CD200R1: variants seen among roughly 807,000 people sequenced by gnomAD.
CD200R1 encodes the protein cell surface glycoprotein CD200 receptor 1.
A neutral mutation model predicts 38.1 loss-of-function variants in CD200R1; 30 were observed. The observed-to-expected ratio is 0.79, with a 90% confidence interval of 0.59 to 1.07. CD200R1 has a LOEUF of 1.07. CD200R1 is among the 50% of genes least tolerant of loss of function. The pLI, the probability that CD200R1 is intolerant of heterozygous loss-of-function variation, is 0.00. For missense variants in CD200R1, 372 were observed against 415.4 expected (o/e 0.90, Z 0.91); for synonymous variants, 128 against 152.1 (o/e 0.84, Z 1.16).
At chr3:112,955,128 T>C (rs1191265753) in intron 1 of CD200R1, among the ~76,000 whole-genome samples, 1 of 152,214 alleles carries the variant, frequency 6.6e-6, no homozygotes, top group Non-Finnish European at 1.5e-5. Flanking sequence ...ATTTGAGTTG[T>C]TTTTCCACTC....
chr3:112,925,993 T>C (rs1218440799), intron 5 of CD200R1, among the ~76,000 whole-genome samples: 1 of 152,130 alleles, frequency 6.6e-6, no homozygotes, highest in Non-Finnish European at 1.5e-5. Context: ...AAAGATTCAT[T>C]GGTGGTGAAT....
intron 2 of CD200R1, among the ~76,000 whole-genome samples, chr3:112,943,015 G>A (rs1164492262): frequency 6.6e-6 from 1 of 151,734 alleles, no homozygotes; most frequent in African/African-American, 2.4e-5. Flanking sequence ...AGAAATAAAT[G>A]AATCTGCTAT....
intron 5 of CD200R1, 60 bp downstream of exon 5, chr3:112,928,756 T>G: frequency 6.0e-6 from 8 of 1,335,790 alleles, no homozygotes; most frequent in Non-Finnish European, 7.2e-6. Context: ...ATCTTTTTTT[T>G]TCTTAACTCT....
At chr3:112,966,561 T>C (rs970800653) in intron 1 of CD200R1, among the ~76,000 whole-genome samples, 1 of 152,196 alleles carries the variant, frequency 6.6e-6, no homozygotes, top group African/African-American at 2.4e-5. Flanking sequence ...TATTCTCATA[T>C]TATGTAATGG....
intron 2 of CD200R1, among the ~76,000 whole-genome samples, chr3:112,933,469 G>A (rs1334018060): frequency 1.3e-5 from 2 of 152,130 alleles, no homozygotes; most frequent in African/African-American, 4.8e-5. Context: ...CACTAGAATG[G>A]ATTACATATA....
At chr3:112,956,339 C>T (rs980809789) in intron 1 of CD200R1, among the ~76,000 whole-genome samples, 11 of 151,796 alleles carry the variant, frequency 7.2e-5, no homozygotes, top group African/African-American at 2.7e-4. Context: ...TTTTTCAGCA[C>T]TAGGATTTCT....
At chr3:112,926,494 C>G (rs948633613) in intron 5 of CD200R1, among the ~76,000 whole-genome samples, 1 of 152,232 alleles carries the variant, frequency 6.6e-6, no homozygotes. Context: ...GAAGATCCAC[C>G]GTGCAAGGAA....
Position 112,923,813 on chromosome 3 carries a change from C to CA in CD200R1, c.925-15dup. On this transcript the variant is annotated splice_polypyrimidine_tract_variant and intron_variant, in intron 7 of 7. Coordinates refer to ENST00000308611, the MANE Select transcript of CD200R1 (RefSeq NM_138806.4). ...CTGCATTTCATCCTAAGAAAGAACT[C>CA]AAAGTTAAAATCAATTCAAAAAATC... 1 of 1,506,720 alleles carries CA rather than the reference C, an allele frequency of 6.6e-7. No homozygotes were observed. 93.3% of individuals were successfully genotyped at this position (1,506,720 alleles called of 1,614,324 possible). A position where few individuals can be genotyped will look rare whatever the true frequency, so the allele number is the denominator to read the frequency against.
intron 2 of CD200R1, among the ~76,000 whole-genome samples, chr3:112,937,510 G>C (rs1940612661): frequency 6.6e-6 from 1 of 152,110 alleles, no homozygotes; most frequent in African/African-American, 2.4e-5. Flanking sequence ...TAGGTGTGCG[G>C]TGTTATTTCT....
intron 1 of CD200R1, among the ~76,000 whole-genome samples, chr3:112,957,172 G>T (rs142760052): frequency 6.6e-6 from 1 of 152,246 alleles, no homozygotes; most frequent in East Asian, 1.9e-4. Context: ...TAAAACTGAC[G>T]TCCTCTTCAA....
At chr3:112,970,809 T>C (rs922795274) in intron 1 of CD200R1, among the ~76,000 whole-genome samples, 2 of 152,146 alleles carry the variant, frequency 1.3e-5, no homozygotes, top group African/African-American at 4.8e-5. Context: ...CTATCTAATG[T>C]CTCATCTTAA....
intron 1 of CD200R1, among the ~76,000 whole-genome samples, chr3:112,949,168 A>G (rs186336821): frequency 6.6e-6 from 1 of 152,350 alleles, no homozygotes; most frequent in East Asian, 1.9e-4. Flanking sequence ...ATTGCCATGA[A>G]GTGAGAAAAC....
chr3:112,974,389 T>C (rs1933388655), intron 1 of CD200R1, among the ~76,000 whole-genome samples: 1 of 152,064 alleles, frequency 6.6e-6, no homozygotes, highest in Non-Finnish European at 1.5e-5. Context: ...TGAGCTACGA[T>C]TGCACCACTG....
At chr3:112,949,236 C>A (rs939599064) in intron 1 of CD200R1, among the ~76,000 whole-genome samples, 1 of 152,312 alleles carries the variant, frequency 6.6e-6, no homozygotes, top group South Asian at 2.1e-4. Context: ...GTGCAAGGCA[C>A]AAAGCTCCTG....
At chr3:112,973,316 G>A (rs1198752953) in intron 1 of CD200R1, among the ~76,000 whole-genome samples, 1 of 152,118 alleles carries the variant, frequency 6.6e-6, no homozygotes, top group African/African-American at 2.4e-5. Flanking sequence ...AGTCTATTAA[G>A]GCTAAAACTA....
intron 1 of CD200R1, among the ~76,000 whole-genome samples, chr3:112,950,102 T>C (rs1228503243): frequency 1.3e-5 from 2 of 152,242 alleles, no homozygotes; most frequent in African/African-American, 2.4e-5. Flanking sequence ...CCATTTCTCA[T>C]CTATAACTGG....
chr3:112,968,869 A>C (rs1235622776), intron 1 of CD200R1, among the ~76,000 whole-genome samples: 9 of 152,220 alleles, frequency 5.9e-5, no homozygotes, highest in Non-Finnish European at 1.2e-4. Flanking sequence ...GTAAAATATC[A>C]ACACAGCAAT....
At chr3:112,932,919 A>G (rs138380609) in intron 2 of CD200R1, among the ~76,000 whole-genome samples, 26 of 152,030 alleles carry the variant, frequency 1.7e-4, no homozygotes, top group African/African-American at 6.0e-4. Context: ...TGGATCCACC[A>G]CTAGTGGAAA....
intron 4 of CD200R1, 36 bp downstream of exon 4, chr3:112,929,154 G>T: frequency 6.2e-7 from 1 of 1,612,940 alleles, no homozygotes; most frequent in Non-Finnish European, 8.5e-7. Context: ...CACAAATCTG[G>T]TGATGTGAAA....
Sources: gnomAD v4.1 joint callset for allele counts (sites outside exome capture counted in the v4.1 genomes callset) on GRCh38, gnomAD v4.1.1 for gene constraint, MANE v1.5 for transcripts, NCBI Gene and HGNC (gene_info 2026-07-23, HGNC 2026-07-21) for gene names.